The following RBMS3 variants were observed in gnomAD, a reference collection of about 807,000 sequenced individuals.
RBMS3 encodes RNA binding motif single stranded interacting protein 3.
Under a neutral mutation model 66.8 loss-of-function variants are expected in RBMS3, and 27 were observed. The observed-to-expected ratio is 0.40, with a 90% confidence interval of 0.30 to 0.56. RBMS3 has a LOEUF of 0.56. Among genes scored for constraint, RBMS3 ranks in the 20% least tolerant of loss-of-function variants. The probability of loss-of-function intolerance (pLI) is 0.40; values close to 1 mark genes in which losing one functional copy is unlikely to be tolerated. For synonymous variants in RBMS3, 188 were observed against 183.0 expected, an observed-to-expected ratio of 1.03 and a Z score of -0.22; for missense variants, 513 against 549.5, an observed-to-expected ratio of 0.93 and a Z score of 0.66.
intron 6 of RBMS3, among the ~76,000 whole-genome samples, chr3:29,768,047 C>T (rs1357512580): frequency 6.6e-6 from 1 of 151,962 alleles, no homozygotes; most frequent in African/African-American, 2.4e-5. Flanking sequence ...GAAACTAAAG[C>T]ATCACTTGTA....
At chr3:29,366,596 C>G (rs1203423736) in intron 1 of RBMS3, among the ~76,000 whole-genome samples, 1 of 151,908 alleles carries the variant, frequency 6.6e-6, no homozygotes, top group Non-Finnish European at 1.5e-5. Flanking sequence ...TGTTGCCAAG[C>G]TGATCTGGGA....
At chr3:29,840,568 G>A (rs1238479127) in intron 6 of RBMS3, among the ~76,000 whole-genome samples, 1 of 151,958 alleles carries the variant, frequency 6.6e-6, no homozygotes, top group African/African-American at 2.4e-5. Context: ...AGTAAAAGAA[G>A]ACCAATAACA....
intron 5 of RBMS3, among the ~76,000 whole-genome samples, chr3:29,752,117 A>T (rs2055209113): frequency 6.6e-6 from 1 of 152,118 alleles, no homozygotes; most frequent in Non-Finnish European, 1.5e-5. Flanking sequence ...AGAGGATTTT[A>T]TCGTGTGGTG....
intron 1 of RBMS3, among the ~76,000 whole-genome samples, chr3:29,368,945 A>G (rs2038047476): frequency 6.6e-6 from 1 of 152,204 alleles, no homozygotes; most frequent in African/African-American, 2.4e-5. Context: ...GATAAAGAAT[A>G]TGTGGTACAT....
intron 12 of RBMS3, 113 bp from the exon 13 acceptor site, chr3:29,988,030 A>T (rs1318972260): frequency 1.3e-6 from 1 of 797,828 alleles, no homozygotes; most frequent in Non-Finnish European, 2.0e-6. Flanking sequence ...AGCTGGGAAA[A>T]AATACACACT....
chr3:29,638,474 T>C (rs1432695097), intron 4 of RBMS3, among the ~76,000 whole-genome samples: 3 of 151,866 alleles, frequency 2.0e-5, no homozygotes, highest in South Asian at 2.1e-4. Flanking sequence ...CCCTGGATCA[T>C]GTGGCTTATA....
Position 30,005,429 on chromosome 3 carries a change from T to G in RBMS3, c.*1567T>G, listed in dbSNP as rs1699781356. ...CCACTAGTAAACCAAGATGCTTATT[T>G]AACAGGTGGAATATTCTTTATATGA... On this transcript the variant is annotated 3_prime_UTR_variant, in exon 15 of 15. Transcript: ENST00000383767. 1 of 151,866 alleles carries G rather than the reference T, an allele frequency of 6.6e-6. No individual in the cohort carries two copies. The highest frequency in any genetic ancestry group is 2.4e-5 in the African/African-American group (1 of 41,392). 9.4% of individuals were successfully genotyped at this position (151,866 alleles called of 1,614,324 possible). A position where few individuals can be genotyped will look rare whatever the true frequency, so the allele number is the denominator to read the frequency against.
chr3:29,436,272 A>G (rs1049117083), intron 2 of RBMS3, among the ~76,000 whole-genome samples: 2 of 152,210 alleles, frequency 1.3e-5, no homozygotes, highest in African/African-American at 2.4e-5. Flanking sequence ...TATCAACACA[A>G]CAGAAAGTGG....
intron 4 of RBMS3, among the ~76,000 whole-genome samples, chr3:29,645,369 T>C (rs2049878696): frequency 6.6e-6 from 1 of 152,224 alleles, no homozygotes; most frequent in Non-Finnish European, 1.5e-5. Context: ...GCTTTGTGTC[T>C]TATTCATTCT....
intron 4 of RBMS3, among the ~76,000 whole-genome samples, chr3:29,690,970 G>A (rs1440510): frequency 0.58 from 87,851 of 152,034 alleles, 25,541 homozygotes; most frequent in African/African-American, 0.63. Flanking sequence ...ATGTGCTTAA[G>A]AGGGTTTTTA....
intron 12 of RBMS3, among the ~76,000 whole-genome samples, chr3:29,949,913 T>C (rs1695562542): frequency 6.6e-6 from 1 of 151,806 alleles, no homozygotes; most frequent in Admixed American, 6.6e-5. Context: ...ATGAGAAATA[T>C]ATCATCCCAA....
chr3:29,404,004 T>C (rs945548957), intron 1 of RBMS3, among the ~76,000 whole-genome samples: 14 of 152,114 alleles, frequency 9.2e-5, no homozygotes, highest in African/African-American at 3.4e-4. Flanking sequence ...ATAGATTGGA[T>C]GAGAACATGA....
At chr3:29,987,804 A>ACAT (rs1698532193) in intron 12 of RBMS3, among the ~76,000 whole-genome samples, 1 of 152,158 alleles carries the variant, frequency 6.6e-6, no homozygotes. Context: ...TAAAAAAGAG[A>ACAT]CATCATCCCC....
At chr3:29,817,979 AG>A (rs2057962701) in intron 6 of RBMS3, among the ~76,000 whole-genome samples, 1 of 152,138 alleles carries the variant, frequency 6.6e-6, no homozygotes, top group Admixed American at 6.5e-5. Context: ...ACTCTATGTT[AG>A]GTCAGATGTT....
intron 1 of RBMS3, among the ~76,000 whole-genome samples, chr3:29,352,783 T>C (rs79681895): frequency 0.01 from 1,589 of 152,162 alleles, 35 homozygotes; most frequent in African/African-American, 0.036. Flanking sequence ...ATCATTCTAC[T>C]CTCACTCTTT....
intron 5 of RBMS3, among the ~76,000 whole-genome samples, chr3:29,759,265 G>T (rs910891736): frequency 6.6e-6 from 1 of 151,930 alleles, no homozygotes; most frequent in Non-Finnish European, 1.5e-5. Flanking sequence ...AATAACTGAA[G>T]CCAGTGTCCT....
At chr3:29,577,578 C>G (rs192336039) in intron 3 of RBMS3, among the ~76,000 whole-genome samples, 3 of 152,310 alleles carry the variant, frequency 2.0e-5, no homozygotes, top group Admixed American at 1.3e-4. Flanking sequence ...TGCCAGGAAA[C>G]TTGGGTATCA....
At chr3:29,393,424 TTGTA>T (rs1347865706) in intron 1 of RBMS3, among the ~76,000 whole-genome samples, 1 of 152,056 alleles carries the variant, frequency 6.6e-6, no homozygotes, top group Non-Finnish European at 1.5e-5. Context: ...ATATTCCAAA[TTGTA>T]TGCACACACA....
At chr3:29,510,694 C>G (rs1394720091) in intron 3 of RBMS3, among the ~76,000 whole-genome samples, 3 of 152,070 alleles carry the variant, frequency 2.0e-5, no homozygotes, top group African/African-American at 4.8e-5. Flanking sequence ...ATAAGCAACT[C>G]AAAACATTTC....
Sources: gnomAD v4.1 joint callset for allele counts (sites outside exome capture counted in the v4.1 genomes callset) on GRCh38, gnomAD v4.1.1 for gene constraint, MANE v1.5 for transcripts, NCBI Gene and HGNC (gene_info 2026-07-23, HGNC 2026-07-21) for gene names.